SFMBT1: variants seen among roughly 807,000 people sequenced by gnomAD.
The protein encoded by SFMBT1 is scm-like with four MBT domains protein 1.
In SFMBT1, 32 loss-of-function variants were observed where a neutral mutation model predicts 108.7. The ratio of observed to expected loss-of-function variants is 0.29; its 90% CI spans 0.22 to 0.40. The LOEUF (loss-of-function observed/expected upper bound fraction) is 0.40, where lower values mean the gene tolerates loss of function less well. Ranked by LOEUF, SFMBT1 falls within the 10% of genes least tolerant of loss-of-function variation. The pLI is 1.00. For synonymous variants in SFMBT1, 348 were observed against 369.5 expected (o/e 0.94, Z 0.67); for missense variants, 816 against 1,059.6 (o/e 0.77, Z 3.19).
intron 1 of SFMBT1, among the ~76,000 whole-genome samples, chr3:53,027,033 T>C (rs1559554643): frequency 2.0e-5 from 3 of 152,122 alleles, no homozygotes. Context: ...TCCTCCCTCC[T>C]TGGCCTCCCA....
Position 52,965,831 on chromosome 3 carries a change from C to A in SFMBT1, c.28+3270G>T, listed in dbSNP as rs188216312. ...ACCATCCTGGCTAACACGGTGAAAC[C>A]CCGTCTCTACCAAAAATACAAAAAA... On this transcript the variant is annotated intron_variant, in intron 2 of 20. Coordinates refer to ENST00000394752, the MANE Select transcript of SFMBT1 (RefSeq NM_016329.4). Among the ~76,000 whole-genome samples, 905 of 150,124 alleles carry A rather than the reference C, an allele frequency of 6.0e-3. 71 individuals are homozygous for A. In the South Asian group the frequency reaches 0.17, roughly 28 times the overall value.
At chr3:52,992,552 G>C (rs1290833966) in intron 1 of SFMBT1, among the ~76,000 whole-genome samples, 1 of 152,058 alleles carries the variant, frequency 6.6e-6, no homozygotes, top group African/African-American at 2.4e-5. Context: ...ACAGGTCATG[G>C]GTAAATCTGC....
intron 3 of SFMBT1, among the ~76,000 whole-genome samples, chr3:52,945,385 C>T (rs1703332177): frequency 6.6e-6 from 1 of 151,560 alleles, no homozygotes; most frequent in Non-Finnish European, 1.5e-5. Flanking sequence ...AAATAAGTAT[C>T]CATGAGTCCA....
intron 4 of SFMBT1, 88 bp downstream of exon 4, chr3:52,943,265 C>T (rs1170839332): frequency 1.3e-5 from 20 of 1,538,600 alleles, no homozygotes; most frequent in East Asian, 2.2e-5. Flanking sequence ...CCTATATGCT[C>T]GAGAGACTTA....
At chr3:53,021,530 T>C (rs1359329384) in intron 1 of SFMBT1, among the ~76,000 whole-genome samples, 1 of 152,234 alleles carries the variant, frequency 6.6e-6, no homozygotes, top group Non-Finnish European at 1.5e-5. Flanking sequence ...GTCACAGACA[T>C]ACTCCTGGCT....
chr3:52,960,055 A>C (rs1703908739), intron 2 of SFMBT1, among the ~76,000 whole-genome samples: 1 of 151,972 alleles, frequency 6.6e-6, no homozygotes, highest in Non-Finnish European at 1.5e-5. Context: ...AGAATAGATA[A>C]GTTATGGCAA....
rs114828137 is a variant in SFMBT1 at position 53,003,823 on chromosome 3, C to T, written c.-130-34565G>A. The stretch of plus-strand genomic sequence containing the variant: ...GCAGCGTGAGAGGTGATTCCCATGA[C>T]TAATATCCAAAATTACATGACATTA... On this transcript the variant is annotated intron_variant, in intron 1 of 20. Coordinates refer to ENST00000394752, the MANE Select transcript of SFMBT1 (RefSeq NM_016329.4). Among the ~76,000 whole-genome samples the T allele has an allele frequency of 4.1e-3, 609 of 148,362 alleles. 37 individuals carry two copies. The highest frequency in any genetic ancestry group is 6.1e-3 in the Non-Finnish European group (403 of 66,582).
chr3:53,027,638 T>C (rs1699540284), intron 1 of SFMBT1, among the ~76,000 whole-genome samples: 1 of 152,220 alleles, frequency 6.6e-6, no homozygotes, highest in Non-Finnish European at 1.5e-5. Flanking sequence ...AGAGGTCAGC[T>C]ATTTCTGACA....
intron 13 of SFMBT1, among the ~76,000 whole-genome samples, chr3:52,916,621 A>G (rs923502713): frequency 2.6e-5 from 4 of 151,932 alleles, no homozygotes; most frequent in African/African-American, 9.7e-5. Context: ...GTGAGCCGAG[A>G]TCGTGCCACT....
At chr3:52,907,842 TG>T in intron 17 of SFMBT1, 109 bp from the exon 18 acceptor site, 1 of 1,033,724 alleles carries the variant, frequency 9.7e-7, no homozygotes, top group Non-Finnish European at 1.4e-6. Context: ...TGTATTTGAT[TG>T]GGGTTTAAAT....
chr3:53,039,513 A>G (rs1699967506), intron 1 of SFMBT1, among the ~76,000 whole-genome samples: 3 of 152,214 alleles, frequency 2.0e-5, no homozygotes, highest in Non-Finnish European at 4.4e-5. Context: ...GTCTGGGAAG[A>G]TTAAAAAAGT....
At chr3:52,974,961 C>T (rs1355943791) in intron 1 of SFMBT1, among the ~76,000 whole-genome samples, 5 of 150,734 alleles carry the variant, frequency 3.3e-5, no homozygotes, top group South Asian at 2.1e-4. Flanking sequence ...GCCAAGTTTG[C>T]GCCACTGCAC....
intron 1 of SFMBT1, among the ~76,000 whole-genome samples, chr3:53,021,114 G>A (rs1699291436): frequency 6.6e-6 from 1 of 152,138 alleles, no homozygotes; most frequent in Non-Finnish European, 1.5e-5. Context: ...GCCTAACAGT[G>A]ATATATAATA....
Position 52,926,016 on chromosome 3 carries a change from C to A in SFMBT1, c.1131+15G>T, listed in dbSNP as rs761714211. ...AGCCCTGCCATAGTGGCCATGAGGC[C>A]GTGGGGGTCCTCACCGGAGGGAAGC... On this transcript the variant is annotated intron_variant, in intron 10 of 20. Transcript: ENST00000394752. 6.2e-7 allele frequency: 1 copy of A among 1,605,200 alleles called. No individual in the cohort carries two copies. The highest frequency in any genetic ancestry group is 8.5e-7 in the Non-Finnish European group (1 of 1,176,688).
At chr3:52,929,552 T>A (rs967678252) in intron 8 of SFMBT1, among the ~76,000 whole-genome samples, 8 of 152,220 alleles carry the variant, frequency 5.3e-5, no homozygotes, top group African/African-American at 1.9e-4. Flanking sequence ...GAGATAACTT[T>A]ATGAACTTCC....
chr3:52,951,440 G>A (rs1236573004), intron 3 of SFMBT1, among the ~76,000 whole-genome samples: 1 of 150,126 alleles, frequency 6.7e-6, no homozygotes, highest in Non-Finnish European at 1.5e-5. Flanking sequence ...TTTTGAGATG[G>A]CATTTTGCTC....
chr3:52,923,558 CAAAA>C (rs199694774), intron 10 of SFMBT1, among the ~76,000 whole-genome samples: 1 of 119,624 alleles, frequency 8.4e-6, no homozygotes. Context: ...AAAGCTCCAT[CAAAA>C]AAAAAAAAAG....
Position 52,964,297 on chromosome 3 carries a change from A to C in SFMBT1, c.28+4804T>G, listed in dbSNP as rs879775399. On this transcript the variant is annotated intron_variant, in intron 2 of 20. Coordinates refer to ENST00000394752, the MANE Select transcript of SFMBT1 (RefSeq NM_016329.4). ...AGGCTGAGGCAGGAAGATCACTTGA[A>C]GCCAGGAGTTTGAAACCAGCCTGGG... is the stretch of plus-strand genomic sequence containing the variant. Among the ~76,000 whole-genome samples the C allele has an allele frequency of 2.0e-5, 3 of 152,204 alleles. No homozygotes were observed. In the East Asian group the frequency reaches 5.8e-4, roughly 29 times the overall value.
chr3:52,931,939 T>C (rs1168357392), intron 6 of SFMBT1, 123 bp downstream of exon 6: 1 of 1,112,014 alleles, frequency 9.0e-7, no homozygotes, highest in East Asian at 2.6e-5. Context: ...TGTTTTGTAA[T>C]AGCTCTATTA....
Sources: gnomAD v4.1 joint callset for allele counts (sites outside exome capture counted in the v4.1 genomes callset) on GRCh38, gnomAD v4.1.1 for gene constraint, MANE v1.5 for transcripts, NCBI Gene and HGNC (gene_info 2026-07-23, HGNC 2026-07-21) for gene names.